Variants in SULF2 observed in about 807,000 individuals in gnomAD.
SULF2 encodes sulfatase 2, also known as extracellular sulfatase Sulf-2.
A neutral mutation model predicts 107.7 loss-of-function variants in SULF2; 52 were observed. The ratio of observed to expected loss-of-function variants is 0.48; its 90% CI spans 0.39 to 0.61. The LOEUF (loss-of-function observed/expected upper bound fraction) is 0.61. Among genes scored for constraint, SULF2 ranks in the 20% least tolerant of loss-of-function variants. The pLI, the probability that SULF2 is intolerant of heterozygous loss-of-function variation, is 0.00. For missense variants in SULF2, 993 were observed against 1,177.3 expected (o/e 0.84, Z 2.29); for synonymous variants, 460 against 464.3 (o/e 0.99, Z 0.12).
At chr20:47,705,330 AG>A (rs2088697063) in intron 3 of SULF2, among the ~76,000 whole-genome samples, 1 of 152,202 alleles carries the variant, frequency 6.6e-6, no homozygotes, top group South Asian at 2.1e-4. Flanking sequence ...CGTTCTGCAG[AG>A]GAGGAGGCGG....
chr20:47,770,053 GTTT>G (rs56786760), intron 1 of SULF2, among the ~76,000 whole-genome samples: 37 of 63,116 alleles, frequency 5.9e-4, no homozygotes, highest in East Asian at 2.2e-3. Flanking sequence ...ATCTGGTGTA[GTTT>G]TTTTTTTTTT....
intron 3 of SULF2, among the ~76,000 whole-genome samples, chr20:47,713,204 G>A (rs1276230852): frequency 6.6e-6 from 1 of 152,202 alleles, no homozygotes; most frequent in East Asian, 1.9e-4. Flanking sequence ...ATTTTGCCCT[G>A]CAGGGGACAC....
At chr20:47,746,995 AT>A (rs56789906) in intron 2 of SULF2, among the ~76,000 whole-genome samples, 10,627 of 115,958 alleles carry the variant, frequency 0.092, 457 homozygotes, top group East Asian at 0.13. Context: ...AAAAAAAAAA[AT>A]ATATATATAT....
rs149228399 is a variant in SULF2 at position 47,751,806 on chromosome 20, G to A, written c.175+5383C>T. On this transcript the variant is annotated intron_variant, in intron 2 of 20. Coordinates refer to ENST00000688720, the MANE Select transcript of SULF2 (RefSeq NM_001387048.1). ...CTGACAGAGAGTGGTTGTGACACAC[G>A]CGTTTTTAACACCCAGTGGAAGGCT... 2.5e-3 allele frequency among the ~76,000 whole-genome samples: 378 copies of A among 152,312 alleles called. 2 individuals are homozygous for A. Among genetic ancestry groups the A allele is most frequent in the African/African-American group, 8.8e-3 (366 of 41,574 alleles).
chr20:47,783,682 A>G (rs2090871212), intron 1 of SULF2, among the ~76,000 whole-genome samples: 1 of 152,200 alleles, frequency 6.6e-6, no homozygotes. Flanking sequence ...CCAAACCCAC[A>G]TTGACCCTCA....
chr20:47,754,632 C>T lies in SULF2; in HGVS notation c.175+2557G>A, dbSNP rs117072065. Among the ~76,000 whole-genome samples, 101 of 152,298 alleles carry T rather than the reference C, an allele frequency of 6.6e-4. No homozygotes were observed. The East Asian group carries it at 0.017, about 25-fold the overall frequency. On this transcript the variant is annotated intron_variant, in intron 2 of 20. Coordinates refer to ENST00000688720, the MANE Select transcript of SULF2 (RefSeq NM_001387048.1). Reference sequence around the variant, plus strand: ...TGAACACCAGGGGCTCTAAACCCACCGCATCCACCTCCTAGAATTTATCCT... The same window carrying T: ...TGAACACCAGGGGCTCTAAACCCACTGCATCCACCTCCTAGAATTTATCCT...
At chr20:47,753,792 G>C (rs558826368) in intron 2 of SULF2, among the ~76,000 whole-genome samples, 1 of 152,210 alleles carries the variant, frequency 6.6e-6, no homozygotes, top group Non-Finnish European at 1.5e-5. Flanking sequence ...CTCCCCAGAG[G>C]TTTAGATCAA....
chr20:47,698,390 G>A (rs1351586417), intron 4 of SULF2, among the ~76,000 whole-genome samples: 1 of 152,180 alleles, frequency 6.6e-6, no homozygotes, highest in African/African-American at 2.4e-5. Flanking sequence ...ACAGACATGG[G>A]ACTGATCCAG....
rs57610354 is a variant in SULF2 at position 47,727,943 on chromosome 20, T to C, written c.415+8760A>G. Among the ~76,000 whole-genome samples the C allele has an allele frequency of 4.5e-4, 68 of 152,350 alleles. No individual in the cohort carries two copies. In the East Asian group the frequency reaches 0.011, roughly 24 times the overall value. On this transcript the variant is annotated intron_variant, in intron 3 of 20. Coordinates refer to ENST00000688720, the MANE Select transcript of SULF2 (RefSeq NM_001387048.1). ...GAGGAAGAAATTTCGCTTGAAGATGTGCACGGAGGCGGCAAATCCGTGCCT... is the reference window on the plus strand; with the variant it reads ...GAGGAAGAAATTTCGCTTGAAGATGCGCACGGAGGCGGCAAATCCGTGCCT...
At chr20:47,684,255 G>C in intron 6 of SULF2, 176 bp downstream of exon 6, 1 of 573,852 alleles carries the variant, frequency 1.7e-6, no homozygotes, top group Non-Finnish European at 2.9e-6. Context: ...CATGAAGGAA[G>C]AGGCTTTTGT....
At chr20:47,752,547 A>G (rs568896180) in intron 2 of SULF2, among the ~76,000 whole-genome samples, 147 of 148,826 alleles carry the variant, frequency 9.9e-4, no homozygotes, top group African/African-American at 3.5e-3. Flanking sequence ...CCTGAGCAAC[A>G]TGGCAAAAGC....
At chr20:47,768,778 C>T (rs542560639) in intron 1 of SULF2, among the ~76,000 whole-genome samples, 1 of 152,318 alleles carries the variant, frequency 6.6e-6, no homozygotes, top group East Asian at 1.9e-4. Flanking sequence ...AGGCCCTGCT[C>T]GGTCACCCCC....
At chr20:47,770,420 G>T (rs529310653) in intron 1 of SULF2, among the ~76,000 whole-genome samples, 4 of 152,080 alleles carry the variant, frequency 2.6e-5, no homozygotes, top group Non-Finnish European at 5.9e-5. Context: ...TGCAGGGCAT[G>T]AGGGTAGGCA....
In SULF2 at chr20:47,663,622, C is replaced by T. The variant is rs1276298097; in HGVS notation, c.2058G>A (p.Arg686=). The change falls in exon 16 of 21, where the codon AGG becomes AGA. Residue 686 remains arginine (R), a splice_region_variant and synonymous_variant. Coordinates refer to ENST00000688720, the MANE Select transcript of SULF2 (RefSeq NM_001387048.1). Reference sequence around the variant, plus strand: ...CCTTGTCCTTCTCTTGCAGGCCCTTCCTATGGGCGCAGAGGGCCACACACA... The same window carrying T: ...CCTTGTCCTTCTCTTGCAGGCCCTTTCTATGGGCGCAGAGGGCCACACACA... ...KHRGSSLHPF[R]KGLQEKDKVW... 2 of 1,580,738 alleles carry T rather than the reference C, an allele frequency of 1.3e-6. No homozygotes were observed. The highest frequency in any genetic ancestry group is 1.7e-6 in the Non-Finnish European group (2 of 1,163,568).
intron 10 of SULF2, among the ~76,000 whole-genome samples, chr20:47,673,750 T>TG (rs2087552776): frequency 1.3e-5 from 2 of 152,160 alleles, no homozygotes; most frequent in South Asian, 4.1e-4. Flanking sequence ...CAGAAGCGCC[T>TG]GGGGGACCTG....
At chr20:47,727,719 G>A (rs2089483293) in intron 3 of SULF2, among the ~76,000 whole-genome samples, 2 of 152,170 alleles carry the variant, frequency 1.3e-5, no homozygotes, top group Non-Finnish European at 1.5e-5. Context: ...TCTTATCACA[G>A]GCACTGGGTG....
intron 3 of SULF2, among the ~76,000 whole-genome samples, chr20:47,731,187 C>CTT (rs71183273): frequency 0.012 from 938 of 81,040 alleles, 9 homozygotes; most frequent in African/African-American, 0.014. Flanking sequence ...TGTATCTTCT[C>CTT]TTTTTTTTTT....
At chr20:47,736,610 C>T in intron 3 of SULF2, 93 bp downstream of exon 3, 2 of 1,527,592 alleles carry the variant, frequency 1.3e-6, no homozygotes, top group South Asian at 2.5e-5. Flanking sequence ...TATCCAGAAT[C>T]AACTTGGGTA....
At chr20:47,757,163 T>G (rs1270141698) in intron 2 of SULF2, 26 bp downstream of exon 2, 4 of 1,534,938 alleles carry the variant, frequency 2.6e-6, no homozygotes, top group African/African-American at 2.7e-5. Context: ...GGGGCCGAGG[T>G]GCCACCCTGG....
Sources: allele counts gnomAD v4.1 joint callset (sites outside exome capture counted in the v4.1 genomes callset), GRCh38; gene constraint gnomAD v4.1.1; transcripts MANE v1.5; gene names NCBI Gene and HGNC (gene_info 2026-07-23, HGNC 2026-07-21).